LTBP1: variants seen among roughly 807,000 people sequenced by gnomAD.
LTBP1 encodes the protein latent transforming growth factor beta binding protein 1.
Under a neutral mutation model 207.6 loss-of-function variants are expected in LTBP1, and 129 were observed. That is an observed-to-expected ratio of 0.62 (90% confidence interval 0.54 to 0.72). The LOEUF (loss-of-function observed/expected upper bound fraction) is 0.72. LTBP1 is among the 30% of genes least tolerant of loss of function. The probability of loss-of-function intolerance (pLI) is 0.00; values close to 1 mark genes in which losing one functional copy is unlikely to be tolerated. For missense variants in LTBP1, 2,281 were observed against 2,217.2 expected (o/e 1.03, Z -0.58); for synonymous variants, 963 against 833.7 (o/e 1.16, Z -2.67).
intron 31 of LTBP1, among the ~76,000 whole-genome samples, chr2:33,368,752 C>T (rs1451234441): frequency 3.3e-5 from 5 of 152,194 alleles, no homozygotes; most frequent in Admixed American, 6.5e-5. Flanking sequence ...TGGTACACAC[C>T]TGTAGTCCTA....
In LTBP1 at chr2:33,342,922, A is replaced by G. The variant is rs149719912; in HGVS notation, c.3815A>G (p.Tyr1272Cys). The change falls in exon 25 of 34, where the codon TAT becomes TGT. Residue 1272 changes from tyrosine to cysteine, a missense_variant. Around this residue, in one of 3 missense-constraint regions of LTBP1, gnomAD observed 1,671 missense variants for 1,634.8 expected, o/e 1.02. Coordinates refer to ENST00000404816, the MANE Select transcript of LTBP1 (RefSeq NM_206943.4). Reference sequence around the variant, plus strand: ...GCTGGCTCCTTCCGCTGCCTCTGTTATCAGGGCTTTCAAGCCCCACAGGAT... The same window carrying G: ...GCTGGCTCCTTCCGCTGCCTCTGTTGTCAGGGCTTTCAAGCCCCACAGGAT... ...NTAGSFRCLC[Y>C]QGFQAPQDGQ... 1.0e-4 allele frequency: 165 copies of G among 1,613,954 alleles called. No individual in the cohort carries two copies. Among genetic ancestry groups the G allele is most frequent in the Non-Finnish European group, 1.3e-4 (156 of 1,179,948 alleles).
At chr2:33,229,566 ATAATT>A (rs1197416620) in intron 9 of LTBP1, among the ~76,000 whole-genome samples, 4 of 152,258 alleles carry the variant, frequency 2.6e-5, no homozygotes, top group Non-Finnish European at 5.9e-5. Context: ...AATGTTTTGA[ATAATT>A]TATATTAATA....
At chr2:33,355,902 A>G (rs1025320978) in intron 26 of LTBP1, among the ~76,000 whole-genome samples, 1 of 151,838 alleles carries the variant, frequency 6.6e-6, no homozygotes, top group African/African-American at 2.4e-5. Context: ...AACTATGTGG[A>G]GAGATCCTCT....
At chr2:33,296,881 T>C (rs923420789) in intron 20 of LTBP1, among the ~76,000 whole-genome samples, 1 of 152,136 alleles carries the variant, frequency 6.6e-6, no homozygotes, top group African/African-American at 2.4e-5. Flanking sequence ...CTGCTAGAGT[T>C]GATATGAGGA....
chr2:32,986,678 C>G (rs1553357185), intron 2 of LTBP1, among the ~76,000 whole-genome samples: 1 of 152,176 alleles, frequency 6.6e-6, no homozygotes, highest in African/African-American at 2.4e-5. Flanking sequence ...AGATTGCAGT[C>G]TCATGAAGCT....
At chr2:33,377,613 T>C (rs1380693397) in intron 31 of LTBP1, among the ~76,000 whole-genome samples, 1 of 152,208 alleles carries the variant, frequency 6.6e-6, no homozygotes, top group Non-Finnish European at 1.5e-5. Flanking sequence ...TTAAAATCTT[T>C]CTAGTTTGAG....
At chr2:32,967,393 C>G (rs938546319) in intron 2 of LTBP1, among the ~76,000 whole-genome samples, 1 of 151,664 alleles carries the variant, frequency 6.6e-6, no homozygotes, top group African/African-American at 2.4e-5. Flanking sequence ...TTCTAGTTTC[C>G]CATGGTGGAA....
At chr2:33,298,769 A>G (rs1424297450) in intron 20 of LTBP1, among the ~76,000 whole-genome samples, 3 of 152,240 alleles carry the variant, frequency 2.0e-5, no homozygotes, top group African/African-American at 7.2e-5. Flanking sequence ...TGGTAAAACA[A>G]AAGTTTTTAA....
At position 33,186,971 on chromosome 2, in the gene LTBP1, G is replaced by T. The variant is rs554822385; in HGVS notation, c.1317G>T (p.Val439=). The part of the protein sequence containing the change: ...LCQIPVHGAS[V]PKLYQHSQQP... ...AGATCCCAGTCCATGGTGCCAGCGT[G>T]CCTAAACTTTATCAGCATTCCCAGC... Residue 439 remains valine, a synonymous_variant, in exon 6 of 34, where the codon GTG becomes GTT. Transcript: ENST00000404816. The T allele has an allele frequency of 7.2e-5, 116 of 1,614,180 alleles. No individual in the cohort carries two copies. The Admixed American group carries it at 1.7e-3, about 24-fold the overall frequency.
intron 3 of LTBP1, among the ~76,000 whole-genome samples, chr2:33,069,660 G>C (rs1000580368): frequency 1.3e-5 from 2 of 152,220 alleles, no homozygotes; most frequent in Non-Finnish European, 2.9e-5. Flanking sequence ...ATCCAGACCA[G>C]TTATCTGCTC....
At chr2:33,150,704 C>CTTTTTTTTTTTTTTTT (rs1211013076) in intron 5 of LTBP1, among the ~76,000 whole-genome samples, 3 of 108,842 alleles carry the variant, frequency 2.8e-5, no homozygotes, top group African/African-American at 7.0e-5. Flanking sequence ...TTTCTTTTTT[C>CTTTTTTTTTTTTTTTT]TTTTTCTTTT....
rs190180664 is a variant in LTBP1 at position 33,264,242 on chromosome 2, C to T, written c.2617+850C>T. Among the ~76,000 whole-genome samples, 1,087 of 129,154 alleles carry T rather than the reference C, an allele frequency of 8.4e-3. 7 individuals carry two copies. The highest frequency in any genetic ancestry group is 0.029 in the African/African-American group (949 of 33,218). The allele number at this position is 129,154 out of a possible 152,430, so 84.7% of individuals were successfully genotyped here. On this transcript the variant is annotated intron_variant, in intron 15 of 33. Transcript: ENST00000404816. ...CTGCACTCCAGCCTGGGGGACAGAG[C>T]GAGACTCTGTCTCAAAAAAAAAAAA...
intron 8 of LTBP1, among the ~76,000 whole-genome samples, chr2:33,218,834 A>AT (rs2090902586): frequency 6.6e-6 from 1 of 152,102 alleles, no homozygotes; most frequent in Non-Finnish European, 1.5e-5. Context: ...AGTTTTTATA[A>AT]TTTTTTTATT....
At chr2:33,321,783 A>G (rs939905535) in intron 24 of LTBP1, among the ~76,000 whole-genome samples, 1 of 152,182 alleles carries the variant, frequency 6.6e-6, no homozygotes, top group Non-Finnish European at 1.5e-5. Flanking sequence ...GTACTAAGAG[A>G]TGATGATTTT....
At chr2:33,058,521 T>C (rs2077117350) in intron 3 of LTBP1, among the ~76,000 whole-genome samples, 2 of 152,206 alleles carry the variant, frequency 1.3e-5, no homozygotes, top group Admixed American at 1.3e-4. Context: ...TCCCCCCTTC[T>C]TTTCAAGAAT....
At chr2:33,189,396 A>G (rs879371655) in intron 7 of LTBP1, among the ~76,000 whole-genome samples, 2 of 152,162 alleles carry the variant, frequency 1.3e-5, no homozygotes, top group Non-Finnish European at 2.9e-5. Context: ...GGGTTTCACC[A>G]TGTTGGCCAG....
intron 5 of LTBP1, among the ~76,000 whole-genome samples, chr2:33,179,148 C>A (rs139990805): frequency 1.4e-4 from 21 of 152,244 alleles, no homozygotes; most frequent in African/African-American, 4.8e-4. Context: ...GCTTTGAATG[C>A]GGCCCAACAC....
intron 4 of LTBP1, among the ~76,000 whole-genome samples, chr2:33,132,718 A>T (rs1224414763): frequency 6.6e-6 from 1 of 152,172 alleles, no homozygotes; most frequent in Non-Finnish European, 1.5e-5. Flanking sequence ...GGTGAAGGAG[A>T]AACTGTCCTG....
intron 19 of LTBP1, among the ~76,000 whole-genome samples, chr2:33,290,107 A>G (rs1472218409): frequency 6.6e-6 from 1 of 152,194 alleles, no homozygotes; most frequent in Non-Finnish European, 1.5e-5. Flanking sequence ...AAGTGCATGC[A>G]AAGAGAGCAA....
Sources: gnomAD v4.1 joint callset for allele counts (sites outside exome capture counted in the v4.1 genomes callset) on GRCh38, gnomAD v4.1.1 for gene constraint, gnomAD v4.1.1 regional missense constraint, MANE v1.5 for transcripts, NCBI Gene and HGNC (gene_info 2026-07-23, HGNC 2026-07-21) for gene names.